The following SLC4A4 variants were observed in gnomAD, a reference collection of about 807,000 sequenced individuals.
SLC4A4 encodes electrogenic sodium bicarbonate cotransporter 1.
SLC4A4 carries 27 observed loss-of-function variants against 111.5 expected under a neutral mutation model. The ratio of observed to expected loss-of-function variants is 0.24; its 90% confidence interval spans 0.18 to 0.33. SLC4A4 has a LOEUF of 0.33. SLC4A4 is among the 10% of genes least tolerant of loss of function. The pLI, the probability that SLC4A4 is intolerant of heterozygous loss-of-function variation, is 1.00. For missense variants in SLC4A4, 909 were observed against 1,315.5 expected, an observed-to-expected ratio of 0.69 and a Z score of 4.78; for synonymous variants, 443 against 463.4, an observed-to-expected ratio of 0.96 and a Z score of 0.57.
intron 14 of SLC4A4, among the ~76,000 whole-genome samples, chr4:71,480,579 A>G (rs1239221033): frequency 6.6e-6 from 1 of 151,764 alleles, no homozygotes; most frequent in Non-Finnish European, 1.5e-5. Flanking sequence ...AGTGTGCTCA[A>G]GTTATCCAGA....
At chr4:71,375,406 T>C (rs975093550) in intron 6 of SLC4A4, among the ~76,000 whole-genome samples, 8 of 152,242 alleles carry the variant, frequency 5.3e-5, no homozygotes, top group Admixed American at 1.3e-4. Context: ...TACTAGAATT[T>C]GCTGGACGCT....
intron 1 of SLC4A4, among the ~76,000 whole-genome samples, chr4:71,070,803 G>A (rs1028016382): frequency 6.6e-6 from 1 of 152,208 alleles, no homozygotes; most frequent in African/African-American, 2.4e-5. Flanking sequence ...AATGGAAACT[G>A]ACTTTTAAAC....
intron 2 of SLC4A4, among the ~76,000 whole-genome samples, chr4:71,107,842 G>A (rs915222758): frequency 6.8e-6 from 1 of 146,228 alleles, no homozygotes; most frequent in Non-Finnish European, 1.5e-5. Flanking sequence ...TGAGTAGCTG[G>A]GACTACAGGC....
At chr4:71,359,718 T>C (rs1209208032) in intron 6 of SLC4A4, among the ~76,000 whole-genome samples, 1 of 152,192 alleles carries the variant, frequency 6.6e-6, no homozygotes, top group Non-Finnish European at 1.5e-5. Context: ...ATAAAAATTA[T>C]AGAATTACTG....
chr4:71,187,142 G>C (rs941974434), upstream of SLC4A4: 7 of 152,132 alleles, frequency 4.6e-5, no homozygotes, highest in Middle Eastern at 3.4e-3. Context: ...ACTTGGGCGC[G>C]GGTGACTGGC....
chr4:71,110,750 T>A (rs945481514), intron 2 of SLC4A4, among the ~76,000 whole-genome samples: 2 of 152,152 alleles, frequency 1.3e-5, no homozygotes, highest in Non-Finnish European at 2.9e-5. Context: ...TTGTATAATA[T>A]CTGTTTGGGA....
intron 2 of SLC4A4, among the ~76,000 whole-genome samples, chr4:71,141,770 T>C (rs1216591179): frequency 6.6e-6 from 1 of 152,224 alleles, no homozygotes; most frequent in Non-Finnish European, 1.5e-5. Context: ...GCTTAAAAAA[T>C]ATTGGATGGA....
At chr4:71,349,727 C>T (rs1383143469) in intron 4 of SLC4A4, among the ~76,000 whole-genome samples, 185 bp from the exon 5 acceptor site, 1 of 152,100 alleles carries the variant, frequency 6.6e-6, no homozygotes, top group Non-Finnish European at 1.5e-5. Context: ...AAGGAGCAGT[C>T]TAGTGCTTCT....
intron 16 of SLC4A4, 86 bp from the exon 17 acceptor site, chr4:71,531,976 A>G: frequency 1.3e-6 from 1 of 792,242 alleles, no homozygotes; most frequent in South Asian, 1.4e-5. Context: ...CTATTAGCAA[A>G]TACAAAGTTC....
chr4:71,083,925 C>G (rs993579760), intron 1 of SLC4A4, among the ~76,000 whole-genome samples: 11 of 151,802 alleles, frequency 7.2e-5, no homozygotes, highest in Non-Finnish European at 7.4e-5. Flanking sequence ...TGGTTATTCG[C>G]TTAGCTGAAT....
chr4:71,466,657 T>G, intron 13 of SLC4A4, 80 bp downstream of exon 13: 1 of 1,402,606 alleles, frequency 7.1e-7, no homozygotes, highest in Non-Finnish European at 1.0e-6. Context: ...CATAGAATAG[T>G]GATTAGGCAG....
intron 16 of SLC4A4, among the ~76,000 whole-genome samples, chr4:71,517,462 T>A (rs983709816): frequency 3.3e-5 from 5 of 152,100 alleles, no homozygotes; most frequent in African/African-American, 1.2e-4. Context: ...TCATTTAAAA[T>A]TTTGAATGTA....
At chr4:71,482,483 T>C (rs1279447026) in intron 14 of SLC4A4, among the ~76,000 whole-genome samples, 2 of 151,644 alleles carry the variant, frequency 1.3e-5, no homozygotes, top group African/African-American at 2.4e-5. Flanking sequence ...TGCAATCCTA[T>C]TTTAGTACAC....
chr4:71,414,731 A>G (rs549041346), intron 7 of SLC4A4, among the ~76,000 whole-genome samples: 1 of 152,262 alleles, frequency 6.6e-6, no homozygotes, highest in African/African-American at 2.4e-5. Flanking sequence ...TTGATTTCAT[A>G]TGGTTGTTCC....
At chr4:71,438,146 C>T (rs1056735257) in intron 7 of SLC4A4, among the ~76,000 whole-genome samples, 9 of 151,996 alleles carry the variant, frequency 5.9e-5, no homozygotes, top group South Asian at 2.1e-4. Flanking sequence ...AAGACGGTTC[C>T]GAAAAAATGG....
Position 71,478,059 on chromosome 4 carries a change from A to G in SLC4A4, c.1903+5089A>G, listed in dbSNP as rs1406747379. The stretch of plus-strand genomic sequence containing the variant: ...TGGGGAAATGCAAATCAAAACCACA[A>G]TGAGATACCATTTCAGGCCAGTTAG... On this transcript the variant is annotated intron_variant, in intron 14 of 25. Coordinates refer to ENST00000264485, the MANE Select transcript of SLC4A4 (RefSeq NM_001098484.3). Among the ~76,000 whole-genome samples, 3 of 151,992 alleles carry G rather than the reference A, an allele frequency of 2.0e-5. No individual in the cohort carries two copies. In the South Asian group the frequency reaches 6.2e-4, roughly 31 times the overall value.
rs771589810 is a variant in SLC4A4 at position 71,349,876 on chromosome 4, A to G, written c.390-36A>G. 19 of 1,610,542 alleles carry G rather than the reference A, an allele frequency of 1.2e-5. No individual in the cohort carries two copies. The Admixed American group carries it at 1.3e-4, about 11-fold the overall frequency. On this transcript the variant is annotated intron_variant, in intron 4 of 25. Transcript: ENST00000264485. ...TGCTATTTCTAGAGGAAGTTAGAAC[A>G]CTTTTAATTGCTCTTCACTAATCTC...
At chr4:71,323,350 T>G (rs1172851687) in intron 3 of SLC4A4, among the ~76,000 whole-genome samples, 1 of 151,980 alleles carries the variant, frequency 6.6e-6, no homozygotes, top group Non-Finnish European at 1.5e-5. Context: ...AAGCCTGTTG[T>G]TGCAAGTGCA....
intron 7 of SLC4A4, among the ~76,000 whole-genome samples, chr4:71,424,851 G>T (rs1722958537): frequency 6.6e-6 from 1 of 151,980 alleles, no homozygotes; most frequent in African/African-American, 2.4e-5. Context: ...TGGAGTGGCG[G>T]GGGAGGGAGG....
Sources: allele counts gnomAD v4.1 joint callset (sites outside exome capture counted in the v4.1 genomes callset), GRCh38; gene constraint gnomAD v4.1.1; transcripts MANE v1.5; gene names NCBI Gene and HGNC (gene_info 2026-07-23, HGNC 2026-07-21).